Variants in MRPL54 observed in about 807,000 individuals in gnomAD.
MRPL54 encodes mitochondrial ribosomal protein L54.
A neutral mutation model predicts 15.6 loss-of-function variants in MRPL54; 12 were observed. That is an observed-to-expected ratio of 0.77 (90% CI 0.49 to 1.24). The LOEUF is 1.24. Ranked by LOEUF, MRPL54 falls within the 50% of genes most tolerant of loss-of-function variation. The pLI is 0.00. For synonymous variants in MRPL54, 91 were observed against 75.7 expected (o/e 1.20, Z -1.05); for missense variants, 178 against 186.8 (o/e 0.95, Z 0.28).
At chr19:3,764,750 C>G (rs578011152) in intron 1 of MRPL54, among the ~76,000 whole-genome samples, 4 of 148,632 alleles carry the variant, frequency 2.7e-5, no homozygotes, top group African/African-American at 4.9e-5. Context: ...TTTGAGTGGC[C>G]GGGCGCGGTG....
rs372558303 is a variant in MRPL54, at chr19:3,767,358, C to T, written c.382C>T (p.Arg128Cys). The T allele has an allele frequency of 1.7e-4, 269 of 1,610,184 alleles. 3 individuals carry two copies. In the South Asian group the frequency reaches 2.5e-3, roughly 15 times the overall value. The change falls in exon 3 of 3, where the codon CGC becomes TGC. Residue 128 changes from arginine (R) to cysteine (C), a missense_variant. Transcript: ENST00000330133. ...GCGGCTGCGGAAACAGAACATCTGGCGCCACAACCGGCTGAGCAAGAACAA... is the reference window on the plus strand; with the variant it reads ...GCGGCTGCGGAAACAGAACATCTGGTGCCACAACCGGCTGAGCAAGAACAA... ...WRRLRKQNIW[R>C]HNRLSKNKRL is the part of the protein sequence containing the mutation.
intron 2 of MRPL54, 32 bp downstream of exon 2, chr19:3,765,363 G>A (rs761779452): frequency 1.2e-6 from 2 of 1,608,486 alleles, no homozygotes; most frequent in Non-Finnish European, 8.5e-7. Flanking sequence ...ATCCTGCAAT[G>A]ACTATTCCTT....
intron 1 of MRPL54, among the ~76,000 whole-genome samples, chr19:3,764,884 T>G (rs143535784): frequency 6.6e-6 from 1 of 151,586 alleles, no homozygotes; most frequent in African/African-American, 2.4e-5. Context: ...AAAAATTAGC[T>G]GGGCGTGGTG....
At chr19:3,764,222 A>G (rs1196058983) in intron 1 of MRPL54, among the ~76,000 whole-genome samples, 1 of 151,366 alleles carries the variant, frequency 6.6e-6, no homozygotes, top group Non-Finnish European at 1.5e-5. Context: ...AGCTGGGACC[A>G]CAGGTGCCCA....
At chr19:3,766,012 A>G (rs2037195145) in intron 2 of MRPL54, among the ~76,000 whole-genome samples, 1 of 151,248 alleles carries the variant, frequency 6.6e-6, no homozygotes, top group African/African-American at 2.4e-5. Context: ...CCTGGGTTCA[A>G]GCGGTTCTCC....
At chr19:3,765,092 C>T in intron 1 of MRPL54, 74 bp from the exon 2 acceptor site, 1 of 1,487,944 alleles carries the variant, frequency 6.7e-7, no homozygotes, top group African/African-American at 1.4e-5. Context: ...CCACCTGAGA[C>T]AGGGTTCTGT....
chr19:3,763,631 T>A (rs1188850311), intron 1 of MRPL54, among the ~76,000 whole-genome samples: 4 of 114,872 alleles, frequency 3.5e-5, no homozygotes, highest in Admixed American at 8.6e-5. Flanking sequence ...AAAAAAAAAA[T>A]TGCCTGGCGC....
rs1345822186 is a variant in MRPL54, at chr19:3,765,273, A to C, written c.226A>C (p.Asn76His). The change falls in exon 2 of 3, where the codon AAC becomes CAC. Residue 76 changes from asparagine (N) to histidine (H), a missense_variant. Coordinates refer to ENST00000330133, the MANE Select transcript of MRPL54 (RefSeq NM_172251.3). ...GCTCACCACATATGCCATGGGCGTC[A>C]ACATCTACAAGGAAGGGCAGGATGT... ...VQLTTYAMGV[N>H]IYKEGQDVPL... The C allele has an allele frequency of 6.2e-7, 1 of 1,614,002 alleles. No homozygotes were observed. The highest frequency in any genetic ancestry group is 1.7e-5 in the Admixed American group (1 of 60,000).
In MRPL54 at chr19:3,762,715, C is replaced by A; in HGVS notation, c.15C>A (p.Arg5=). 6.2e-7 allele frequency: 1 copy of A among 1,611,790 alleles called. No homozygotes were observed. The highest frequency in any genetic ancestry group is 8.5e-7 in the Non-Finnish European group (1 of 1,179,158). MATK[R]LFGATRTWAG... ...CGCAATACGTCATGGCGACCAAACG[C>A]CTTTTCGGGGCTACCCGGACGTGGG... Residue 5 remains arginine, a synonymous_variant, in exon 1 of 3, where the codon CGC becomes CGA. Transcript: ENST00000330133.
intron 1 of MRPL54, among the ~76,000 whole-genome samples, chr19:3,763,889 G>C (rs1156770570): frequency 6.6e-6 from 1 of 151,604 alleles, no homozygotes; most frequent in South Asian, 2.1e-4. Context: ...TCCAGCCTGG[G>C]CGACACAGTG....
chr19:3,767,510 A>C lies in MRPL54; in HGVS notation c.*117A>C. 2 of 1,424,494 alleles carry C rather than the reference A, an allele frequency of 1.4e-6. No homozygotes were observed. The highest frequency in any genetic ancestry group is 1.9e-6 in the Non-Finnish European group (2 of 1,057,616). 88.2% of individuals were successfully genotyped at this position (1,424,494 alleles called of 1,614,324 possible). The stretch of plus-strand genomic sequence containing the variant: ...AGCCTGGGTTTCCATGTGACCCCAC[A>C]GTGGGGCTGGACCAGGGCCCTGGAG... On this transcript the variant is annotated 3_prime_UTR_variant, in exon 3 of 3. Transcript: ENST00000330133.
At chr19:3,765,929 C>G (rs1290071516) in intron 2 of MRPL54, among the ~76,000 whole-genome samples, 1 of 147,108 alleles carries the variant, frequency 6.8e-6, no homozygotes, top group South Asian at 2.2e-4. Flanking sequence ...TTTTTTTCTT[C>G]TATATGGAGT....
rs752427683 is a variant in MRPL54, at chr19:3,767,429, G to A, written c.*36G>A. ...CCGGCATCGCTGACCCCCACGCCGA[G>A]GGCTTGCCGTTTTCCCGGAGGACGT... is the stretch of plus-strand genomic sequence containing the variant. On this transcript the variant is annotated 3_prime_UTR_variant, in exon 3 of 3. Coordinates refer to ENST00000330133, the MANE Select transcript of MRPL54 (RefSeq NM_172251.3). 2 of 1,595,228 alleles carry A rather than the reference G, an allele frequency of 1.3e-6. No homozygotes were observed. The highest frequency in any genetic ancestry group is 8.5e-7 in the Non-Finnish European group (1 of 1,174,636).
chr19:3,762,869 T>C (rs932672131), intron 1 of MRPL54, 51 bp downstream of exon 1: 4 of 1,389,136 alleles, frequency 2.9e-6, no homozygotes, highest in South Asian at 2.7e-5. Flanking sequence ...CACTGAGGAA[T>C]TGACAGTGCG....
intron 1 of MRPL54, among the ~76,000 whole-genome samples, chr19:3,763,258 C>T (rs1387169501): frequency 2.0e-5 from 3 of 152,336 alleles, no homozygotes; most frequent in East Asian, 1.9e-4. Context: ...TAATTGGCCA[C>T]TTCAGCAAGA....
chr19:3,764,070 G>A (rs1180266539), intron 1 of MRPL54, among the ~76,000 whole-genome samples: 1 of 151,936 alleles, frequency 6.6e-6, no homozygotes, highest in African/African-American at 2.4e-5. Context: ...TCCAGCCTGG[G>A]CTTTTATTTT....
chr19:3,762,744 G>C lies in MRPL54; in HGVS notation c.44G>C (p.Gly15Ala). The change falls in exon 1 of 3, where the codon GGC becomes GCC. Residue 15 changes from glycine (G) to alanine (A), a missense_variant. Physicochemically the swap from Gly to Ala is moderately conservative, Grantham distance 60. Transcript: ENST00000330133. ...TTCGGGGCTACCCGGACGTGGGCCG[G>C]CTGGGGGGCCTGGGAGCTCCTAAAC... ...RLFGATRTWAGWGAWELLNPA... is the reference protein window; with the variant it reads ...RLFGATRTWAAWGAWELLNPA... The C allele has an allele frequency of 6.2e-7, 1 of 1,610,938 alleles. No homozygotes were observed. Among genetic ancestry groups the C allele is most frequent in the East Asian group, 2.2e-5 (1 of 44,508 alleles).
Position 3,765,264 on chromosome 19 carries a change from A to G in MRPL54, c.217A>G (p.Met73Val), listed in dbSNP as rs2037188344. 2 of 1,613,920 alleles carry G rather than the reference A, an allele frequency of 1.2e-6. No homozygotes were observed. Among genetic ancestry groups the G allele is most frequent in the South Asian group, 1.1e-5 (1 of 91,072 alleles). Reference sequence around the variant, plus strand: ...TCCTGTCCAGCTCACCACATATGCCATGGGCGTCAACATCTACAAGGAAGG... The same window carrying G: ...TCCTGTCCAGCTCACCACATATGCCGTGGGCGTCAACATCTACAAGGAAGG... ...TDPVQLTTYAMGVNIYKEGQD... is the reference protein window; with the variant it reads ...TDPVQLTTYAVGVNIYKEGQD... The change falls in exon 2 of 3, where the codon ATG (methionine) becomes GTG (valine). Residue 73 changes from methionine to valine, a missense_variant. By Grantham distance (21) the Met-to-Val change is conservative (BLOSUM62 1). Transcript: ENST00000330133.
At position 3,762,835 on chromosome 19, in the gene MRPL54, G is replaced by A. The variant is rs2037163116; in HGVS notation, c.118+17G>A. 6.5e-7 allele frequency: 1 copy of A among 1,535,858 alleles called. No homozygotes were observed. Among genetic ancestry groups the A allele is most frequent in the Non-Finnish European group, 8.8e-7 (1 of 1,134,378 alleles). The stretch of plus-strand genomic sequence containing the variant: ...AGAAACCAGGTGAGCTGGGTTAAGA[G>A]GAACCAAATGGGGACGGTGGGTGCA... On this transcript the variant is annotated intron_variant, in intron 1 of 2. Transcript: ENST00000330133.
Sources: gnomAD v4.1 joint callset for allele counts (sites outside exome capture counted in the v4.1 genomes callset) on GRCh38, gnomAD v4.1.1 for gene constraint, MANE v1.5 for transcripts, NCBI Gene and HGNC (gene_info 2026-07-23, HGNC 2026-07-21) for gene names.